The following TUBB4B variants were observed in gnomAD, a reference collection of about 807,000 sequenced individuals.
TUBB4B encodes tubulin beta 4B class IVb.
In TUBB4B, 7 loss-of-function variants were observed where a neutral mutation model predicts 34.3. That is an observed-to-expected ratio of 0.20 (90% confidence interval 0.12 to 0.38). The LOEUF (loss-of-function observed/expected upper bound fraction) is 0.38, where lower values mean the gene tolerates loss of function less well. TUBB4B is among the 10% of genes least tolerant of loss of function. The probability of loss-of-function intolerance (pLI) is 1.00; values close to 1 mark genes in which losing one functional copy is unlikely to be tolerated. For synonymous variants in TUBB4B, 390 were observed against 250.2 expected (o/e 1.56, Z -5.27); for missense variants, 178 against 610.9 (o/e 0.29, Z 7.47).
Position 137,243,551 on chromosome 9 carries a change from G to A in TUBB4B, c.1333G>A (p.Ala445Thr). ...EFEEEAEEEV[A>T] The stretch of plus-strand genomic sequence containing the variant: ...CGAGGAGGAGGCTGAGGAGGAGGTG[G>A]CCTAGAGCCTTCAGTCACTGGGGAA... The change falls in exon 4 of 4, where the codon GCC becomes ACC. Residue 445 changes from alanine (A) to threonine (T), a missense_variant. By Grantham distance (58) the Ala-to-Thr change is moderately conservative. Coordinates refer to ENST00000340384, the MANE Select transcript of TUBB4B (RefSeq NM_006088.6). 6.2e-7 allele frequency: 1 copy of A among 1,613,862 alleles called. No homozygotes were observed.
chr9:137,241,642 C>CG, intron 1 of TUBB4B, 79 bp from the exon 2 acceptor site: 1 of 999,516 alleles, frequency 1.0e-6, no homozygotes, highest in Non-Finnish European at 1.2e-6. Flanking sequence ...CGCGCCCGTC[C>CG]GGGGCGGGGC....
At position 137,242,755 on chromosome 9, in the gene TUBB4B, G is replaced by C. The variant is rs746269809; in HGVS notation, c.537G>C (p.Val179=). The change falls in exon 4 of 4, where the codon GTG becomes GTC. Residue 179 remains valine (V), a synonymous_variant. Transcript: ENST00000340384. ...CTTCGCCCAAAGTGTCAGACACAGT[G>C]GTGGAGCCCTACAACGCCACCCTCT... ...VVPSPKVSDT[V]VEPYNATLSV... is the part of the protein sequence containing the mutation. 73 of 1,613,724 alleles carry C rather than the reference G, an allele frequency of 4.5e-5. No individual in the cohort carries two copies. Among genetic ancestry groups the C allele is most frequent in the Non-Finnish European group, 5.9e-5 (70 of 1,180,038 alleles).
intron 3 of TUBB4B, 58 bp from the exon 4 acceptor site, chr9:137,242,438 C>T (rs867374410): frequency 2.7e-5 from 42 of 1,569,676 alleles, no homozygotes; most frequent in South Asian, 1.4e-4. Flanking sequence ...TTTCGCATGG[C>T]GGTGACCAGT....
At position 137,242,144 on chromosome 9, in the gene TUBB4B, C is replaced by T. The variant is rs573233087; in HGVS notation, c.277+123C>T. 3.3e-4 allele frequency: 334 copies of T among 997,038 alleles called. 2 individuals are homozygous for T. The highest frequency in any genetic ancestry group is 2.2e-3 in the African/African-American group (133 of 60,842). The allele number at this position is 997,038 out of a possible 1,614,324, so 61.8% of individuals were successfully genotyped here. On this transcript the variant is annotated intron_variant, in intron 3 of 3. Transcript: ENST00000340384. The stretch of plus-strand genomic sequence containing the variant: ...CTCCTCTTCTCTGAGCCACTCAATC[C>T]CCTCTACTAAATCGGCTTTGGGAGC...
chr9:137,242,319 T>C, intron 3 of TUBB4B, 177 bp from the exon 4 acceptor site: 1 of 802,354 alleles, frequency 1.2e-6, no homozygotes, highest in Non-Finnish European at 1.9e-6. Context: ...GTTTGGCCCC[T>C]GACTTAATTC....
At chr9:137,241,463 T>TGGGC (rs1296889233) in intron 1 of TUBB4B, 46 bp downstream of exon 1, 2 of 1,441,596 alleles carry the variant, frequency 1.4e-6, no homozygotes, top group Admixed American at 2.4e-5. Context: ...CCGGGCGGTG[T>TGGGC]GGGCGGGCGG....
rs762496022 is a variant in TUBB4B, at chr9:137,241,396, C to T, written c.36C>T (p.Cys12=). ...TCGTGCACTTGCAGGCCGGGCAGTGCGGCAACCAAATCGGCGCCAAGGTAA... is the reference window on the plus strand; with the variant it reads ...TCGTGCACTTGCAGGCCGGGCAGTGTGGCAACCAAATCGGCGCCAAGGTAA... ...REIVHLQAGQ[C]GNQIGAKFWE... Residue 12 remains cysteine (C), a synonymous_variant, in exon 1 of 4, where the codon TGC becomes TGT. Transcript: ENST00000340384. 3.1e-6 allele frequency: 5 copies of T among 1,597,552 alleles called. No individual in the cohort carries two copies. The African/African-American group carries it at 4.1e-5, about 13-fold the overall frequency.
rs543805176 is a variant in TUBB4B at position 137,241,848 on chromosome 9, C to A, written c.166+19C>A. 6.2e-7 allele frequency: 1 copy of A among 1,612,044 alleles called. No homozygotes were observed. The highest frequency in any genetic ancestry group is 8.5e-7 in the Non-Finnish European group (1 of 1,179,454). Reference sequence around the variant, plus strand: ...GCCACCGGTGAGGCCCCGGCCCCTTCCCCGACCGCCCTCCGGGGACCCCGC... The same window carrying A: ...GCCACCGGTGAGGCCCCGGCCCCTTACCCGACCGCCCTCCGGGGACCCCGC... On this transcript the variant is annotated intron_variant, in intron 2 of 3. Transcript: ENST00000340384.
chr9:137,243,573 G>A lies in TUBB4B; in HGVS notation c.*17G>A. 6.2e-7 allele frequency: 1 copy of A among 1,613,654 alleles called. No individual in the cohort carries two copies. Among genetic ancestry groups the A allele is most frequent in the Non-Finnish European group, 8.5e-7 (1 of 1,179,688 alleles). The stretch of plus-strand genomic sequence containing the variant: ...GTGGCCTAGAGCCTTCAGTCACTGG[G>A]GAAAGCAGGGAAGCAGTGTGAACTC... On this transcript the variant is annotated 3_prime_UTR_variant, in exon 4 of 4. Transcript: ENST00000340384.
Position 137,243,536 on chromosome 9 carries a change from G to C in TUBB4B, c.1318G>C (p.Ala440Pro). The C allele has an allele frequency of 6.2e-7, 1 of 1,614,010 alleles. No homozygotes were observed. Among genetic ancestry groups the C allele is most frequent in the Non-Finnish European group, 8.5e-7 (1 of 1,180,016 alleles). ...AEEEGEFEEE[A>P]EEEVA ...GGAGGAGGGCGAGTTCGAGGAGGAG[G>C]CTGAGGAGGAGGTGGCCTAGAGCCT... Residue 440 changes from alanine (A) to proline (P), a missense_variant, in exon 4 of 4, where the codon GCT becomes CCT. Coordinates refer to ENST00000340384, the MANE Select transcript of TUBB4B (RefSeq NM_006088.6).
At position 137,243,386 on chromosome 9, in the gene TUBB4B, C is replaced by T. The variant is rs1836798877; in HGVS notation, c.1168C>T (p.Arg390Trp). The change falls in exon 4 of 4, where the codon CGG becomes TGG. Residue 390 changes from arginine to tryptophan, a missense_variant. Physicochemically the swap from Arg to Trp is moderately radical, Grantham distance 101. Transcript: ENST00000340384. ...CTCCGAGCAGTTCACGGCCATGTTC[C>T]GGCGCAAGGCCTTCCTGCACTGGTA... is the stretch of plus-strand genomic sequence containing the variant. ...RISEQFTAMFRRKAFLHWYTG... is the reference protein window; with the variant it reads ...RISEQFTAMFWRKAFLHWYTG... 2 of 1,613,520 alleles carry T rather than the reference C, an allele frequency of 1.2e-6. No homozygotes were observed. Among genetic ancestry groups the T allele is most frequent in the Non-Finnish European group, 1.7e-6 (2 of 1,180,028 alleles).
At position 137,242,304 on chromosome 9, in the gene TUBB4B, G is replaced by A. The variant is rs185976954; in HGVS notation, c.278-192G>A. 1.8e-5 allele frequency: 13 copies of A among 740,500 alleles called. No individual in the cohort carries two copies. The African/African-American group carries it at 2.1e-4, about 12-fold the overall frequency. 45.9% of individuals were successfully genotyped at this position (740,500 alleles called of 1,614,324 possible). A position where few individuals can be genotyped will look rare whatever the true frequency, so the allele number is the denominator to read the frequency against. ...CCCCCGGGGAGGGGTTTGTTAAGCT[G>A]TCAGGTTTGGCCCCTGACTTAATTC... On this transcript the variant is annotated intron_variant, in intron 3 of 3. Coordinates refer to ENST00000340384, the MANE Select transcript of TUBB4B (RefSeq NM_006088.6).
In TUBB4B at chr9:137,242,303, T is replaced by C. The variant is rs1836768677; in HGVS notation, c.278-193T>C. ...CCCCCCGGGGAGGGGTTTGTTAAGC[T>C]GTCAGGTTTGGCCCCTGACTTAATT... On this transcript the variant is annotated intron_variant, in intron 3 of 3. Transcript: ENST00000340384. 1.8e-5 allele frequency: 13 copies of C among 732,088 alleles called. No individual in the cohort carries two copies. The South Asian group carries it at 2.3e-4, about 13-fold the overall frequency. 45.3% of individuals were successfully genotyped at this position (732,088 alleles called of 1,614,324 possible).
At chr9:137,241,453 CCGGGCGGTGTGGG>C in intron 1 of TUBB4B, 36 bp downstream of exon 1, 2 of 1,525,224 alleles carry the variant, frequency 1.3e-6, no homozygotes, top group Middle Eastern at 1.9e-4. Context: ...GGCGGGCCTG[CCGGGCGGTGTGGG>C]CGGGCGGCCG....
Position 137,241,356 on chromosome 9 carries a change from C to A in TUBB4B, c.-5C>A, listed in dbSNP as rs369321247. On this transcript the variant is annotated 5_prime_UTR_variant, in exon 1 of 4. Coordinates refer to ENST00000340384, the MANE Select transcript of TUBB4B (RefSeq NM_006088.6). ...TCCTGCTTCCCCGCCGCCGCCGCCG[C>A]CATCATGAGGGAAATCGTGCACTTG... The A allele has an allele frequency of 5.2e-5, 84 of 1,601,496 alleles. No individual in the cohort carries two copies. Among genetic ancestry groups the A allele is most frequent in the Non-Finnish European group, 6.8e-5 (80 of 1,177,468 alleles).
intron 3 of TUBB4B, chr9:137,242,269 G>T: frequency 1.5e-6 from 1 of 667,630 alleles, no homozygotes; most frequent in Non-Finnish European, 2.5e-6. Context: ...CTTGGGAATT[G>T]GCAGTGGCCC....
In TUBB4B at chr9:137,243,629, G is replaced by A; in HGVS notation, c.*73G>A. 9 of 1,613,774 alleles carry A rather than the reference G, an allele frequency of 5.6e-6. No homozygotes were observed. The highest frequency in any genetic ancestry group is 7.6e-6 in the Non-Finnish European group (9 of 1,179,776). ...TCACTCCCAGCCTGTCCTGTGGCCT[G>A]TCCCACTGTGTGCACTTGCTGTTTT... On this transcript the variant is annotated 3_prime_UTR_variant, in exon 4 of 4. Coordinates refer to ENST00000340384, the MANE Select transcript of TUBB4B (RefSeq NM_006088.6).
At chr9:137,242,144 C>G (rs573233087) in intron 3 of TUBB4B, 123 bp downstream of exon 3, 30 of 997,040 alleles carry the variant, frequency 3.0e-5, no homozygotes, top group Non-Finnish European at 4.2e-5. Flanking sequence ...CCACTCAATC[C>G]CCTCTACTAA....
chr9:137,242,149 T>C, intron 3 of TUBB4B, 128 bp downstream of exon 3: 1 of 964,738 alleles, frequency 1.0e-6, no homozygotes, highest in Non-Finnish European at 1.5e-6. Flanking sequence ...CAATCCCCTC[T>C]ACTAAATCGG....
Sources: gnomAD v4.1 joint callset for allele counts on GRCh38, gnomAD v4.1.1 for gene constraint, MANE v1.5 for transcripts, NCBI Gene and HGNC (gene_info 2026-07-23, HGNC 2026-07-21) for gene names.